The following BRINP1 variants were observed in gnomAD, a reference collection of about 807,000 sequenced individuals.
BRINP1 encodes BMP/retinoic acid-inducible neural-specific protein 1.
BRINP1 carries 17 observed loss-of-function variants against 72.9 expected under a neutral mutation model. The ratio of observed to expected loss-of-function variants is 0.23; its 90% CI spans 0.16 to 0.35. The LOEUF (loss-of-function observed/expected upper bound fraction) is 0.35, where lower values mean the gene tolerates loss of function less well. Ranked by LOEUF, BRINP1 falls within the 10% of genes least tolerant of loss-of-function variation. BRINP1 has a pLI of 1.00. For missense variants in BRINP1, 850 were observed against 1,001.6 expected, an observed-to-expected ratio of 0.85 and a Z score of 2.04; for synonymous variants, 418 against 378.5, an observed-to-expected ratio of 1.10 and a Z score of -1.21.
chr9:119,218,628 A>ACTTGAGT (rs1381563944), intron 5 of BRINP1, among the ~76,000 whole-genome samples: 1 of 152,050 alleles, frequency 6.6e-6, no homozygotes, highest in Admixed American at 6.6e-5. Flanking sequence ...CAGGACTCCA[A>ACTTGAGT]TCTAGGAATT....
intron 1 of BRINP1, among the ~76,000 whole-genome samples, chr9:119,314,344 T>C (rs1202139740): frequency 6.6e-6 from 1 of 152,214 alleles, no homozygotes; most frequent in Non-Finnish European, 1.5e-5. Flanking sequence ...GCCAATTTTG[T>C]AAACACAATT....
At chr9:119,172,885 T>C (rs1056839405) in intron 7 of BRINP1, among the ~76,000 whole-genome samples, 1 of 148,438 alleles carries the variant, frequency 6.7e-6, no homozygotes, top group Non-Finnish European at 1.5e-5. Flanking sequence ...AAAAACCACA[T>C]GATTATCTCC....
At position 119,223,790 on chromosome 9, in the gene BRINP1, G is replaced by A. The variant is rs143047504; in HGVS notation, c.686-9635C>T. On this transcript the variant is annotated intron_variant, in intron 5 of 7. Transcript: ENST00000265922. Reference sequence around the variant, plus strand: ...ACAATATTACAGCTTGAGACACGAGGCTTTTTAAATTTCATCTCAGTAGTT... The same window carrying A: ...ACAATATTACAGCTTGAGACACGAGACTTTTTAAATTTCATCTCAGTAGTT... 4.6e-3 allele frequency among the ~76,000 whole-genome samples: 701 copies of A among 152,100 alleles called. 2 individuals are homozygous for A. Among genetic ancestry groups the A allele is most frequent in the African/African-American group, 0.016 (660 of 41,504 alleles).
At chr9:119,279,277 A>C (rs1830685626) in intron 2 of BRINP1, among the ~76,000 whole-genome samples, 1 of 152,186 alleles carries the variant, frequency 6.6e-6, no homozygotes, top group Non-Finnish European at 1.5e-5. Flanking sequence ...CCCTATCTAA[A>C]CTCTTAGTTT....
chr9:119,283,771 G>A (rs1456770117), intron 2 of BRINP1, among the ~76,000 whole-genome samples: 4 of 152,150 alleles, frequency 2.6e-5, no homozygotes, highest in Admixed American at 1.3e-4. Flanking sequence ...GACCTCAGGC[G>A]ATCCACCCAC....
chr9:119,292,010 A>T (rs562168718), intron 2 of BRINP1, among the ~76,000 whole-genome samples: 1 of 152,340 alleles, frequency 6.6e-6, no homozygotes, highest in African/African-American at 2.4e-5. Context: ...TCCCGGAGTC[A>T]GAAAATGACA....
At chr9:119,247,176 A>C (rs1830328828) in intron 3 of BRINP1, among the ~76,000 whole-genome samples, 1 of 152,208 alleles carries the variant, frequency 6.6e-6, no homozygotes, top group Admixed American at 6.5e-5. Flanking sequence ...GTTTAGGTTA[A>C]TGCTACACTT....
chr9:119,231,132 G>A (rs901709109), intron 5 of BRINP1, among the ~76,000 whole-genome samples: 12 of 151,906 alleles, frequency 7.9e-5, no homozygotes, highest in Non-Finnish European at 1.8e-4. Flanking sequence ...ATAATAAAAA[G>A]CATTCTAATT....
intron 2 of BRINP1, among the ~76,000 whole-genome samples, chr9:119,262,359 C>T (rs965733853): frequency 1.2e-4 from 19 of 152,180 alleles, no homozygotes; most frequent in Middle Eastern, 3.4e-3. Flanking sequence ...TGAGGCCAGG[C>T]GCGGTGGCTC....
chr9:119,173,078 GGGATGCCCTCTCTCACCAC>G (rs1447574389), intron 7 of BRINP1, among the ~76,000 whole-genome samples: 2 of 145,632 alleles, frequency 1.4e-5, no homozygotes, highest in East Asian at 4.0e-4. Flanking sequence ...GCACAAGACA[GGGATGCCCTCTCTCACCAC>G]TCCTATTCAA....
At chr9:119,305,222 A>T (rs547686333) in intron 2 of BRINP1, among the ~76,000 whole-genome samples, 1 of 152,354 alleles carries the variant, frequency 6.6e-6, no homozygotes, top group South Asian at 2.1e-4. Context: ...TATTTCAATC[A>T]TATATTTTTA....
At chr9:119,367,297 C>T (rs7037350) in intron 1 of BRINP1, among the ~76,000 whole-genome samples, 36,878 of 142,214 alleles carry the variant, frequency 0.26, 6,387 homozygotes, top group East Asian at 0.83. Context: ...CTACTTTTTT[C>T]CCCTAAGAGG....
rs1829513255 is a variant in BRINP1 at position 119,178,420 on chromosome 9, A to G, written c.1146-10196T>C. ...ATTAGAACCACAAAAAGCTCATTTC[A>G]TTGTTTGTGTGTGTGTGTCTTTTGA... On this transcript the variant is annotated intron_variant, in intron 7 of 7. Transcript: ENST00000265922. Among the ~76,000 whole-genome samples, 4 of 152,118 alleles carry G rather than the reference A, an allele frequency of 2.6e-5. No homozygotes were observed. In the South Asian group the frequency reaches 8.3e-4, roughly 31 times the overall value.
intron 1 of BRINP1, among the ~76,000 whole-genome samples, chr9:119,365,846 C>G (rs1014074573): frequency 1.3e-5 from 2 of 152,016 alleles, no homozygotes; most frequent in African/African-American, 2.4e-5. Flanking sequence ...CACAGCTCCC[C>G]CTTCTGGGAG....
chr9:119,196,418 C>T (rs896269082), intron 7 of BRINP1, among the ~76,000 whole-genome samples: 1 of 152,118 alleles, frequency 6.6e-6, no homozygotes, highest in Non-Finnish European at 1.5e-5. Flanking sequence ...ATCGATTCTC[C>T]AATTCATCTT....
chr9:119,176,988 T>C (rs563117153), intron 7 of BRINP1, among the ~76,000 whole-genome samples: 1 of 152,256 alleles, frequency 6.6e-6, no homozygotes, highest in South Asian at 2.1e-4. Context: ...CAAAACACTG[T>C]ATTGAAACCC....
In BRINP1 at chr9:119,167,279, C is replaced by G. The variant is rs1401457822; in HGVS notation, c.2091G>C (p.Leu697Phe). 1 of 1,614,140 alleles carries G rather than the reference C, an allele frequency of 6.2e-7. No individual in the cohort carries two copies. The highest frequency in any genetic ancestry group is 1.1e-5 in the South Asian group (1 of 91,074). ...YSSSSVMLLL[L>F]DIRDRINRLA... ...GGCGATTAATTCGGTCCCGAATATC[C>G]AACAAGAGGAGCATCACTGACGAAG... The change falls in exon 8 of 8, where the codon TTG (leucine) becomes TTC (phenylalanine). Residue 697 changes from leucine (L) to phenylalanine (F), a missense_variant. Physicochemically the swap from Leu to Phe is conservative, Grantham distance 22. Coordinates refer to ENST00000265922, the MANE Select transcript of BRINP1 (RefSeq NM_014618.3). The surrounding 1 kb of genome is among the most constrained non-coding windows in gnomAD (Gnocchi z 4.3).
chr9:119,325,510 T>C (rs1263875599), intron 1 of BRINP1, among the ~76,000 whole-genome samples: 1 of 152,212 alleles, frequency 6.6e-6, no homozygotes, highest in Non-Finnish European at 1.5e-5. Flanking sequence ...TTCTCCCTTC[T>C]CTCTAAACCT....
intron 7 of BRINP1, among the ~76,000 whole-genome samples, chr9:119,197,425 A>G (rs1829750047): frequency 6.6e-6 from 1 of 152,228 alleles, no homozygotes; most frequent in Admixed American, 6.5e-5. Context: ...ACATTAATAT[A>G]TGTAAAGCAT....
Sources: gnomAD v4.1 joint callset for allele counts (sites outside exome capture counted in the v4.1 genomes callset) on GRCh38, gnomAD v4.1.1 for gene constraint, Gnocchi (gnomAD v3.1) non-coding constraint, MANE v1.5 for transcripts, NCBI Gene and HGNC (gene_info 2026-07-23, HGNC 2026-07-21) for gene names.